Variants in EML1 observed in about 807,000 individuals in gnomAD.
EML1 encodes echinoderm microtubule-associated protein-like 1.
EML1 carries 27 observed loss-of-function variants against 110.4 expected under a neutral mutation model. That is an observed-to-expected ratio of 0.24 (90% CI 0.18 to 0.34). The LOEUF is 0.34. Ranked by LOEUF, EML1 falls within the 10% of genes least tolerant of loss-of-function variation. The probability of loss-of-function intolerance (pLI) is 1.00; values close to 1 mark genes in which losing one functional copy is unlikely to be tolerated. For missense variants in EML1, 741 were observed against 1,030.9 expected, an observed-to-expected ratio of 0.72 and a Z score of 3.85; for synonymous variants, 344 against 385.8, an observed-to-expected ratio of 0.89 and a Z score of 1.27.
intron 1 of EML1, among the ~76,000 whole-genome samples, chr14:99,749,419 C>T (rs1310456936): frequency 6.6e-6 from 1 of 152,190 alleles, no homozygotes; most frequent in Non-Finnish European, 1.5e-5. Flanking sequence ...TGGTGCTGAG[C>T]ATTTTTTCAC....
At chr14:99,748,316 A>T (rs1352762558) in intron 1 of EML1, among the ~76,000 whole-genome samples, 1 of 152,050 alleles carries the variant, frequency 6.6e-6, no homozygotes, top group East Asian at 1.9e-4. Context: ...ATGTGGGGTG[A>T]GTGGTACTCA....
At chr14:99,918,470 C>A (rs1322477646) in intron 16 of EML1, among the ~76,000 whole-genome samples, 1 of 152,128 alleles carries the variant, frequency 6.6e-6, no homozygotes, top group South Asian at 2.1e-4. Flanking sequence ...GTGGGAGAAG[C>A]CTTGATTTTG....
Position 99,923,641 on chromosome 14 carries a change from C to CAATCGATCAGAAACGTAAAGGTTTATTT in EML1, c.1909+2764_1909+2765insAATCGATCAGAAACGTAAAGGTTTATTT, listed in dbSNP as rs1566940202. 9.6e-5 allele frequency among the ~76,000 whole-genome samples: 5 copies of CAATCGATCAGAAACGTAAAGGTTTATTT among 52,198 alleles called. No homozygotes were observed. The African/African-American group carries it at 2.2e-3, about 23-fold the overall frequency. 34.2% of individuals were successfully genotyped at this position (52,198 alleles called of 152,430 possible). A position where few individuals can be genotyped will look rare whatever the true frequency, so the allele number is the denominator to read the frequency against. ...TTATTTCCGGATACTCAGTTCTGCC[C>CAATCGATCAGAAACGTAAAGGTTTATTT]CCTTCACCTGTGTTTATCCCCGATT... On this transcript the variant is annotated intron_variant, in intron 17 of 21. Transcript: ENST00000262233.
chr14:99,928,224 G>GTGGTGGTGGTGA lies in EML1; in HGVS notation c.1909+7358_1909+7359insATGGTGGTGGTG, dbSNP rs2060301592. On this transcript the variant is annotated intron_variant, in intron 17 of 21. Coordinates refer to ENST00000262233, the MANE Select transcript of EML1 (RefSeq NM_004434.3). ...GGTGGTGGTGATGGTGATGGTGGTG[G>GTGGTGGTGGTGA]TGGTGGTGGTGGTGGTGGTGGTGGG... Among the ~76,000 whole-genome samples, 2 of 118,260 alleles carry GTGGTGGTGGTGA rather than the reference G, an allele frequency of 1.7e-5. 1 individual carries two copies. The highest frequency in any genetic ancestry group is 3.8e-5 in the Non-Finnish European group (2 of 53,110). 77.6% of individuals were successfully genotyped at this position (118,260 alleles called of 152,430 possible).
chr14:99,889,353 A>G (rs2059545445), intron 4 of EML1, among the ~76,000 whole-genome samples: 1 of 152,170 alleles, frequency 6.6e-6, no homozygotes, highest in African/African-American at 2.4e-5. Flanking sequence ...GAGAACCAAG[A>G]GGAATTCCAC....
At chr14:99,823,353 C>G (rs528043623) in intron 1 of EML1, among the ~76,000 whole-genome samples, 1 of 152,086 alleles carries the variant, frequency 6.6e-6, no homozygotes, top group African/African-American at 2.4e-5. Context: ...CCCCACTTAG[C>G]CATCAGAACC....
At chr14:99,791,312 T>G (rs918856636), upstream of EML1, among the ~76,000 whole-genome samples, 2 of 152,194 alleles carry the variant, frequency 1.3e-5, no homozygotes, top group Non-Finnish European at 2.9e-5. Flanking sequence ...TGACTCTTCC[T>G]GCAGAGAACT....
At chr14:99,770,355 C>A (rs200270325), upstream of EML1, among the ~76,000 whole-genome samples, 1 of 141,712 alleles carries the variant, frequency 7.1e-6, no homozygotes, top group Admixed American at 7.0e-5. Flanking sequence ...AGCAAGCTCT[C>A]GTGTCTTTTT....
intron 1 of EML1, among the ~76,000 whole-genome samples, chr14:99,757,106 G>A (rs1387233661): frequency 3.9e-5 from 6 of 152,308 alleles, no homozygotes; most frequent in South Asian, 2.1e-4. Flanking sequence ...TTGCGAGGCC[G>A]AGGCGGGAGG....
In EML1 at chr14:99,869,814, C is replaced by A. The variant is rs551653333; in HGVS notation, c.383+4168C>A. On this transcript the variant is annotated intron_variant, in intron 3 of 21. Coordinates refer to ENST00000262233, the MANE Select transcript of EML1 (RefSeq NM_004434.3). ...CTCAAGGTCTGGTTGTTTAAAAGAG[C>A]GTGGCACCTCCTCCCCACTTGCTCC... 2.2e-4 allele frequency among the ~76,000 whole-genome samples: 33 copies of A among 152,198 alleles called. 1 individual carries two copies. The highest frequency in any genetic ancestry group is 7.0e-4 in the African/African-American group (29 of 41,518).
intron 1 of EML1, 130 bp from the exon 2 acceptor site, chr14:99,850,723 C>A: frequency 1.1e-6 from 1 of 874,180 alleles, no homozygotes; most frequent in Non-Finnish European, 1.8e-6. Context: ...TGCTTAAGAG[C>A]AGTATCTGTA....
chr14:99,739,987 G>T (rs963838995), intron 1 of EML1, among the ~76,000 whole-genome samples: 4 of 152,140 alleles, frequency 2.6e-5, no homozygotes, highest in South Asian at 2.1e-4. Flanking sequence ...GGACAATACT[G>T]GGACATTAAC....
At chr14:99,770,714 T>C (rs529223357), upstream of EML1, among the ~76,000 whole-genome samples, 18 of 151,880 alleles carry the variant, frequency 1.2e-4, no homozygotes, top group African/African-American at 4.4e-4. Context: ...GCCTTGAACA[T>C]AGTAGGTGCT....
At chr14:99,893,344 G>T (rs888303349) in intron 5 of EML1, among the ~76,000 whole-genome samples, 1 of 152,172 alleles carries the variant, frequency 6.6e-6, no homozygotes, top group Non-Finnish European at 1.5e-5. Context: ...TGGTGATGGG[G>T]CCCCAGTGCA....
rs1478576114 is a variant in EML1, at chr14:99,781,363, C to T, written c.-27+7350C>T. ...CCTCCCATGCTGTATGGCATCCTCA[C>T]TGCCAAGGCCATGCCCTCCCCCTGC... On this transcript the variant is annotated intron_variant, in intron 1 of 22. Transcript: ENST00000327921. The surrounding 1 kb of genome is among the most constrained non-coding windows in gnomAD (Gnocchi z 4.2). 6.6e-6 allele frequency among the ~76,000 whole-genome samples: 1 copy of T among 152,148 alleles called. No homozygotes were observed. The highest frequency in any genetic ancestry group is 1.5e-5 in the Non-Finnish European group (1 of 68,030).
intron 3 of EML1, among the ~76,000 whole-genome samples, chr14:99,873,882 C>T (rs575173574): frequency 3.9e-5 from 6 of 152,322 alleles, no homozygotes; most frequent in South Asian, 2.1e-4. Flanking sequence ...CTCAGCATAG[C>T]GCACAGTGGA....
At chr14:99,908,138 G>A (rs3783327) in intron 10 of EML1, among the ~76,000 whole-genome samples, 43,371 of 152,142 alleles carry the variant, frequency 0.29, 7,535 homozygotes, top group African/African-American at 0.47. Flanking sequence ...CGCAGGAAGG[G>A]CAGGTATGGG....
intron 5 of EML1, chr14:99,892,100 C>T: frequency 1.0e-6 from 1 of 983,866 alleles, no homozygotes; most frequent in Non-Finnish European, 1.2e-6. Context: ...GGCAGGCAGG[C>T]CAGCCACACT....
chr14:99,850,981 C>A lies in EML1; in HGVS notation c.196C>A (p.Leu66Met). Residue 66 changes from leucine (L) to methionine (M), a missense_variant, in exon 2 of 22, where the codon CTG becomes ATG. Leu to Met is a conservative substitution (Grantham distance 15). Transcript: ENST00000262233. ...KSALADVVRR[L>M]NITEEQQAVL... ...AGCTCTAGCTGATGTGGTTCGGCGG[C>A]TGAACATTACTGAGGAACAGCAGGC... 6.2e-7 allele frequency: 1 copy of A among 1,614,160 alleles called. No individual in the cohort carries two copies.
Sources: gnomAD v4.1 joint callset for allele counts (sites outside exome capture counted in the v4.1 genomes callset) on GRCh38, gnomAD v4.1.1 for gene constraint, Gnocchi (gnomAD v3.1) non-coding constraint, MANE v1.5 for transcripts, NCBI Gene and HGNC (gene_info 2026-07-23, HGNC 2026-07-21) for gene names.